ZNF569: variants seen among roughly 807,000 people sequenced by gnomAD.
ZNF569 encodes the protein DNA-binding protein.
In ZNF569, 38 loss-of-function variants were observed where a neutral mutation model predicts 56.3. The observed-to-expected ratio is 0.68, with a 90% CI of 0.52 to 0.88. The LOEUF is 0.88. ZNF569 is among the 40% of genes least tolerant of loss of function. The probability of loss-of-function intolerance (pLI) is 0.00; values close to 1 mark genes in which losing one functional copy is unlikely to be tolerated. For synonymous variants in ZNF569, 241 were observed against 262.9 expected, an observed-to-expected ratio of 0.92 and a Z score of 0.81; for missense variants, 666 against 809.2, an observed-to-expected ratio of 0.82 and a Z score of 2.15.
In ZNF569 at chr19:37,413,145, GGC is replaced by G; in HGVS notation, c.1511_1512del (p.Ser504ThrfsTer19). On this transcript the variant is annotated frameshift_variant, in exon 6 of 6. Coordinates refer to ENST00000316950, the MANE Select transcript of ZNF569 (RefSeq NM_152484.3). LOFTEE classifies it high-confidence loss of function. The stretch of plus-strand genomic sequence containing the variant: ...TGATGTGTAATGAAGTTTTGCTTTT[GGC>G]TGAAGGCTTTACCACATTCATTGCA... The part of the protein sequence containing the change: ...YECNECGKAF[S>X]QKQNFITHQK... The G allele has an allele frequency of 6.2e-7, 1 of 1,608,386 alleles. No individual in the cohort carries two copies. The highest frequency in any genetic ancestry group is 8.5e-7 in the Non-Finnish European group (1 of 1,177,892).
At position 37,414,268 on chromosome 19, in the gene ZNF569, G is replaced by GA. The variant is rs752923644; in HGVS notation, c.389dup (p.Ser132PhefsTer7). The GA allele has an allele frequency of 3.7e-6, 6 of 1,613,274 alleles. No homozygotes were observed. Among genetic ancestry groups the GA allele is most frequent in the East Asian group, 2.2e-5 (1 of 44,808 alleles). On this transcript the variant is annotated frameshift_variant, in exon 6 of 6. Transcript: ENST00000316950. LOFTEE classifies it high-confidence loss of function. ...ACTCATAGAGATTGTGTCTGGAAGG[G>GA]AAAAAATCAGAGTTCAGAGGAAATA...
upstream of ZNF569, chr19:37,467,523 T>G: frequency 3.5e-6 from 1 of 282,106 alleles, no homozygotes; most frequent in East Asian, 6.8e-5. Flanking sequence ...CTTCTTACAG[T>G]CGGCTGGAGC....
chr19:37,412,975 C>T lies in ZNF569; in HGVS notation c.1683G>A (p.Gln561=), dbSNP rs753050326. The T allele has an allele frequency of 1.3e-5, 21 of 1,613,260 alleles. No homozygotes were observed. In the East Asian group the frequency reaches 2.9e-4, roughly 22 times the overall value. The part of the protein sequence containing the change: ...ECDKCGKAFS[Q]CSLLNLHMRS... The stretch of plus-strand genomic sequence containing the variant: ...TCATATGTAAATTAAGCAGTGAGCA[C>T]TGAGAGAAGGCTTTACCACATTTAT... The change falls in exon 6 of 6, where the codon CAG becomes CAA. Residue 561 remains glutamine, a synonymous_variant. Coordinates refer to ENST00000316950, the MANE Select transcript of ZNF569 (RefSeq NM_152484.3).
chr19:37,468,091 T>C, upstream of ZNF569: 1 of 683,574 alleles, frequency 1.5e-6, no homozygotes, highest in Admixed American at 2.9e-5. Context: ...TTTTGTTTGT[T>C]TTGTTTTTTT....
Position 37,414,318 on chromosome 19 carries a change from C to T in ZNF569, c.340G>A (p.Glu114Lys). The T allele has an allele frequency of 6.2e-7, 1 of 1,613,556 alleles. No homozygotes were observed. Among genetic ancestry groups the T allele is most frequent in the Admixed American group, 1.7e-5 (1 of 59,982 alleles). The change falls in exon 6 of 6, where the codon GAA becomes AAA. Residue 114 changes from glutamate (E) to lysine (K), a missense_variant. Physicochemically the swap from Glu to Lys is moderately conservative, Grantham distance 56. Transcript: ENST00000316950. ...QKTLTEEKGN[E>K]CQKKFANVFP... ...ACATTTGCAAATTTCTTTTGACATT[C>T]ATTGCCTTTTTCTTCAGTCAGTGTT...
At chr19:37,441,759 T>A (rs927883516) in intron 3 of ZNF569, among the ~76,000 whole-genome samples, 1 of 151,914 alleles carries the variant, frequency 6.6e-6, no homozygotes, top group Non-Finnish European at 1.5e-5. Flanking sequence ...TCTACAGAGA[T>A]AGCAAGAACC....
At chr19:37,428,307 C>T (rs1229177981) in intron 3 of ZNF569, among the ~76,000 whole-genome samples, 1 of 151,926 alleles carries the variant, frequency 6.6e-6, no homozygotes, top group Non-Finnish European at 1.5e-5. Flanking sequence ...AGTTCAAGGC[C>T]AGTCTGGGCA....
chr19:37,461,467 C>A (rs1766016295), intron 2 of ZNF569, among the ~76,000 whole-genome samples: 1 of 151,918 alleles, frequency 6.6e-6, no homozygotes, highest in African/African-American at 2.4e-5. Context: ...CCATCATGCC[C>A]AGCGAATTTT....
chr19:37,423,677 C>T (rs2041075566), intron 5 of ZNF569, among the ~76,000 whole-genome samples: 1 of 152,010 alleles, frequency 6.6e-6, no homozygotes, highest in African/African-American at 2.4e-5. Flanking sequence ...CCAATCAGCT[C>T]AATATGTTAA....
intron 5 of ZNF569, among the ~76,000 whole-genome samples, chr19:37,417,474 C>A (rs948233320): frequency 6.6e-6 from 1 of 152,032 alleles, no homozygotes; most frequent in South Asian, 2.1e-4. Flanking sequence ...GTCTTAAACT[C>A]CTGAGCTCAG....
intron 3 of ZNF569, among the ~76,000 whole-genome samples, chr19:37,432,514 C>T (rs1292545827): frequency 2.0e-5 from 3 of 152,214 alleles, no homozygotes; most frequent in Non-Finnish European, 4.4e-5. Flanking sequence ...GATCACAACA[C>T]CCAAGTCCCT....
At chr19:37,457,004 C>T (rs563813654) in intron 2 of ZNF569, among the ~76,000 whole-genome samples, 12 of 151,626 alleles carry the variant, frequency 7.9e-5, no homozygotes, top group African/African-American at 2.9e-4. Flanking sequence ...ACACAAAACT[C>T]AAACTACAAA....
chr19:37,447,235 C>G (rs989079389), intron 2 of ZNF569, among the ~76,000 whole-genome samples: 3 of 152,190 alleles, frequency 2.0e-5, no homozygotes, highest in Non-Finnish European at 4.4e-5. Context: ...AGCAATCCCA[C>G]TCCTGGGTAT....
At position 37,432,231 on chromosome 19, in the gene ZNF569, G is replaced by A. The variant is rs1196616404; in HGVS notation, c.16-5853C>T. ...CTGTGGGCCTTGGGTGAGACTCAGT[G>A]CTGTGCTGGCTTCGTCTGACCCAGC... On this transcript the variant is annotated intron_variant, in intron 3 of 5. Transcript: ENST00000316950. Among the ~76,000 whole-genome samples, 66 of 152,186 alleles carry A rather than the reference G, an allele frequency of 4.3e-4. 1 individual carries two copies. Among genetic ancestry groups the A allele is most frequent in the Admixed American group, 4.3e-3 (66 of 15,278 alleles).
At chr19:37,452,137 G>GT (rs146164795) in intron 2 of ZNF569, among the ~76,000 whole-genome samples, 17,025 of 152,126 alleles carry the variant, frequency 0.11, 1,217 homozygotes, top group Non-Finnish European at 0.16. Flanking sequence ...AAATATAGAT[G>GT]TAACAGTCTA....
chr19:37,454,700 A>T (rs2041645854), intron 2 of ZNF569: 1 of 592,008 alleles, frequency 1.7e-6, no homozygotes, highest in South Asian at 2.0e-5. Context: ...TGGGATTCCC[A>T]GAGGAAAAGC....
At chr19:37,419,749 C>T (rs1412881328) in intron 5 of ZNF569, among the ~76,000 whole-genome samples, 2 of 151,802 alleles carry the variant, frequency 1.3e-5, no homozygotes, top group Non-Finnish European at 2.9e-5. Context: ...ATACTATATA[C>T]TTAGTCTATT....
chr19:37,413,582 C>G lies in ZNF569; in HGVS notation c.1076G>C (p.Cys359Ser), dbSNP rs1414032239. 1 of 1,613,606 alleles carries G rather than the reference C, an allele frequency of 6.2e-7. No homozygotes were observed. ...GGAAAACTGAGAGAAGGCTTTACCA[C>G]ATTTATCACATTTATAAGGTTTTTC... ...TGEKPYKCDK[C>S]GKAFSQFSML... Residue 359 changes from cysteine to serine, a missense_variant, in exon 6 of 6, where the codon TGT becomes TCT. By Grantham distance (112) the Cys-to-Ser change is moderately radical. Coordinates refer to ENST00000316950, the MANE Select transcript of ZNF569 (RefSeq NM_152484.3).
chr19:37,435,859 T>G (rs770565236), intron 3 of ZNF569, among the ~76,000 whole-genome samples: 2 of 152,148 alleles, frequency 1.3e-5, no homozygotes, highest in African/African-American at 4.8e-5. Flanking sequence ...CAAATATTAT[T>G]ACAGTAAAAG....
Sources: gnomAD v4.1 joint callset for allele counts (sites outside exome capture counted in the v4.1 genomes callset) on GRCh38, gnomAD v4.1.1 for gene constraint, MANE v1.5 for transcripts, NCBI Gene and HGNC (gene_info 2026-07-23, HGNC 2026-07-21) for gene names.